HNRNPM: variants seen among roughly 807,000 people sequenced by gnomAD.
HNRNPM encodes the protein CEA receptor.
In HNRNPM, 11 loss-of-function variants were observed where a neutral mutation model predicts 73.1. That is an observed-to-expected ratio of 0.15 (90% confidence interval 0.09 to 0.25). The LOEUF (loss-of-function observed/expected upper bound fraction) is 0.25, where lower values mean the gene tolerates loss of function less well. HNRNPM is among the 10% of genes least tolerant of loss of function. HNRNPM has a pLI of 1.00. For synonymous variants in HNRNPM, 407 were observed against 355.2 expected, an observed-to-expected ratio of 1.15 and a Z score of -1.64; for missense variants, 789 against 1,067.9, an observed-to-expected ratio of 0.74 and a Z score of 3.64.
Position 8,487,211 on chromosome 19 carries a change from A to G in HNRNPM, c.2029+136A>G, listed in dbSNP as rs145260576. On this transcript the variant is annotated intron_variant, in intron 15 of 15. Coordinates refer to ENST00000325495, the MANE Select transcript of HNRNPM (RefSeq NM_005968.5). ...GCCTTGCCATGTTCTGCCCACGCCA[A>G]TGCTCAGGCAGGTTGTTGAGTGTCC... is the stretch of plus-strand genomic sequence containing the variant. The G allele has an allele frequency of 8.0e-5, 61 of 761,798 alleles. No homozygotes were observed. The East Asian group carries it at 8.6e-4, about 11-fold the overall frequency. The allele number at this position is 761,798 out of a possible 1,614,324, so 47.2% of individuals were successfully genotyped here.
Position 8,466,330 on chromosome 19 carries a change from A to G in HNRNPM, c.726A>G (p.Lys242=). Residue 242 remains lysine (K), a synonymous_variant, in exon 7 of 16, where the codon AAA becomes AAG. Coordinates refer to ENST00000325495, the MANE Select transcript of HNRNPM (RefSeq NM_005968.5). ...RADILEDKDG[K]SRGIGTVTFE... ...ACATTCTTGAAGATAAAGATGGAAAAAGTCGTGGAATAGGCACTGTTACTT... is the reference window on the plus strand; with the variant it reads ...ACATTCTTGAAGATAAAGATGGAAAGAGTCGTGGAATAGGCACTGTTACTT... 1 of 1,614,162 alleles carries G rather than the reference A, an allele frequency of 6.2e-7. No individual in the cohort carries two copies. The highest frequency in any genetic ancestry group is 8.5e-7 in the Non-Finnish European group (1 of 1,180,016).
At chr19:8,460,853 A>G (rs1235402771) in intron 2 of HNRNPM, among the ~76,000 whole-genome samples, 1 of 152,150 alleles carries the variant, frequency 6.6e-6, no homozygotes. Flanking sequence ...ACTATGTGGC[A>G]TTTTCATCAA....
chr19:8,448,573 G>GT (rs1200163102), intron 1 of HNRNPM, among the ~76,000 whole-genome samples: 1 of 151,114 alleles, frequency 6.6e-6, no homozygotes, highest in Non-Finnish European at 1.5e-5. Context: ...CGCTTCCCGG[G>GT]TTCACGCCAT....
chr19:8,476,401 A>G (rs1357183538), intron 12 of HNRNPM, among the ~76,000 whole-genome samples: 1 of 152,268 alleles, frequency 6.6e-6, no homozygotes, highest in African/African-American at 2.4e-5. Flanking sequence ...CATTATGGTC[A>G]TGGGTGCTCC....
chr19:8,469,275 C>G (rs1410087235), intron 9 of HNRNPM, among the ~76,000 whole-genome samples: 5 of 152,140 alleles, frequency 3.3e-5, no homozygotes, highest in African/African-American at 9.7e-5. Flanking sequence ...TCGATTTCAT[C>G]TACAGGAAAT....
At chr19:8,461,911 G>A (rs1178149641) in intron 2 of HNRNPM, 2 of 152,202 alleles carry the variant, frequency 1.3e-5, no homozygotes, top group Admixed American at 1.3e-4. Context: ...AACACAAAAC[G>A]AAAACAAGGG....
intron 1 of HNRNPM, among the ~76,000 whole-genome samples, chr19:8,446,365 G>A (rs1968187298): frequency 6.6e-6 from 1 of 152,130 alleles, no homozygotes; most frequent in South Asian, 2.1e-4. Context: ...AATGTGTGAA[G>A]CTTAGTTTAT....
intron 10 of HNRNPM, 34 bp downstream of exon 10, chr19:8,471,461 G>T: frequency 7.4e-7 from 1 of 1,349,712 alleles, no homozygotes; most frequent in Non-Finnish European, 1.0e-6. Flanking sequence ...TTGGTGGTTT[G>T]GGGAAGTGAA....
At chr19:8,453,635 C>T (rs1044416524) in intron 1 of HNRNPM, among the ~76,000 whole-genome samples, 4 of 152,016 alleles carry the variant, frequency 2.6e-5, no homozygotes, top group South Asian at 2.1e-4. Flanking sequence ...TAGTAGAGCC[C>T]GTGGTCTGGG....
chr19:8,488,013 T>A (rs1971433564), intron 15 of HNRNPM: 1 of 152,408 alleles, frequency 6.6e-6, no homozygotes, highest in Non-Finnish European at 1.5e-5. Flanking sequence ...TCCCAGAACC[T>A]GAGCGGCAAG....
intron 15 of HNRNPM, chr19:8,487,420 C>G (rs902511477): frequency 3.4e-6 from 1 of 294,758 alleles, no homozygotes; most frequent in Non-Finnish European, 6.7e-6. Flanking sequence ...GACGAGGTCG[C>G]TTTCCCCTCA....
chr19:8,464,275 C>T (rs1969589830), intron 5 of HNRNPM, among the ~76,000 whole-genome samples: 1 of 151,702 alleles, frequency 6.6e-6, no homozygotes, highest in Non-Finnish European at 1.5e-5. Flanking sequence ...TTTGTTATTC[C>T]TCAAACCTGC....
intron 14 of HNRNPM, 71 bp downstream of exon 14, chr19:8,486,476 A>G: frequency 7.3e-7 from 1 of 1,376,414 alleles, no homozygotes; most frequent in East Asian, 2.3e-5. Flanking sequence ...GATCAGCAGG[A>G]TGAAGTCAGA....
intron 13 of HNRNPM, among the ~76,000 whole-genome samples, chr19:8,484,173 C>CTTTTTT (rs33931165): frequency 9.1e-6 from 1 of 110,166 alleles, no homozygotes; most frequent in African/African-American, 3.2e-5. Context: ...CCTCCCATTT[C>CTTTTTT]TTTTTTTTTT....
chr19:8,476,441 G>A (rs1970510874), intron 12 of HNRNPM, among the ~76,000 whole-genome samples: 1 of 152,082 alleles, frequency 6.6e-6, no homozygotes, highest in Non-Finnish European at 1.5e-5. Flanking sequence ...CAGGTTCCCA[G>A]GACCCACACT....
intron 12 of HNRNPM, among the ~76,000 whole-genome samples, chr19:8,479,735 T>C (rs1325534788): frequency 1.4e-5 from 2 of 147,244 alleles, no homozygotes; most frequent in East Asian, 4.1e-4. Context: ...ACAGCCACTA[T>C]GCCTGGCCAG....
chr19:8,460,440 G>A (rs915749519), intron 2 of HNRNPM, among the ~76,000 whole-genome samples: 1 of 152,188 alleles, frequency 6.6e-6, no homozygotes, highest in Non-Finnish European at 1.5e-5. Flanking sequence ...GGACCCCCGG[G>A]TGACTGCTAA....
rs1324198025 is a variant in HNRNPM at position 8,468,858 on chromosome 19, TGA to T, written c.895+28_895+29del. On this transcript the variant is annotated intron_variant, in intron 9 of 15. Coordinates refer to ENST00000325495, the MANE Select transcript of HNRNPM (RefSeq NM_005968.5). ...CCGTAAGTGTTTCAGTGATTAGGGC[TGA>T]GAGTTTGAATTGGAGTTACACTAAT... is the stretch of plus-strand genomic sequence containing the variant. 5 of 1,584,368 alleles carry T rather than the reference TGA, an allele frequency of 3.2e-6. No homozygotes were observed. In the East Asian group the frequency reaches 6.7e-5, roughly 21 times the overall value.
Position 8,484,240 on chromosome 19 carries a change from G to A in HNRNPM, c.1174+1029G>A, listed in dbSNP as rs146176694. On this transcript the variant is annotated intron_variant, in intron 13 of 15. Transcript: ENST00000325495. ...CGCCCAGGCTAGAGTGCAGTGGCAC[G>A]ATCTCGGCTCACTGTGACCTCCGTC... 1.4e-3 allele frequency among the ~76,000 whole-genome samples: 201 copies of A among 144,466 alleles called. 2 individuals are homozygous for A. The East Asian group carries it at 0.034, about 25-fold the overall frequency. The allele number at this position is 144,466 out of a possible 152,430, so 94.8% of individuals were successfully genotyped here. A position where few individuals can be genotyped will look rare whatever the true frequency, so the allele number is the denominator to read the frequency against.
Sources: gnomAD v4.1 joint callset for allele counts (sites outside exome capture counted in the v4.1 genomes callset) on GRCh38, gnomAD v4.1.1 for gene constraint, MANE v1.5 for transcripts, NCBI Gene and HGNC (gene_info 2026-07-23, HGNC 2026-07-21) for gene names.